Variants in DNAH5 observed in about 807,000 individuals in gnomAD.
DNAH5 encodes the protein dynein axonemal heavy chain 5.
In DNAH5, 372 loss-of-function variants were observed where a neutral mutation model predicts 518.2. The ratio of observed to expected loss-of-function variants is 0.72; its 90% confidence interval spans 0.66 to 0.78. The LOEUF (loss-of-function observed/expected upper bound fraction) is 0.78. Ranked by LOEUF, DNAH5 falls within the 30% of genes least tolerant of loss-of-function variation. DNAH5 has a pLI of 0.00. For synonymous variants in DNAH5, 2,039 were observed against 2,025.9 expected, an observed-to-expected ratio of 1.01 and a Z score of -0.17; for missense variants, 5,523 against 5,687.0, an observed-to-expected ratio of 0.97 and a Z score of 0.93.
chr5:13,797,203 G>A (rs1322458226), intron 47 of DNAH5, among the ~76,000 whole-genome samples: 3 of 152,130 alleles, frequency 2.0e-5, no homozygotes, highest in Non-Finnish European at 2.9e-5. Context: ...AGACAAACGG[G>A]ATCTAATTAA....
intron 1 of DNAH5, 130 bp downstream of exon 1, chr5:13,944,252 T>A: frequency 1.1e-6 from 1 of 918,612 alleles, no homozygotes; most frequent in Admixed American, 1.9e-5. Flanking sequence ...GAACATTAGT[T>A]AAAAAATGTG....
At chr5:13,921,462 CTCTA>C (rs1482306584) in intron 5 of DNAH5, among the ~76,000 whole-genome samples, 2,129 of 116,686 alleles carry the variant, frequency 0.018, 102 homozygotes, top group African/African-American at 0.064. Context: ...CTCTCTCTTG[CTCTA>C]TCTCTCTCTC....
Position 13,862,584 on chromosome 5 carries a change from T to C in DNAH5, c.4760A>G (p.Asp1587Gly). 1 of 1,613,988 alleles carries C rather than the reference T, an allele frequency of 6.2e-7. No homozygotes were observed. Among genetic ancestry groups the C allele is most frequent in the South Asian group, 1.1e-5 (1 of 91,056 alleles). Reference sequence around the variant, plus strand: ...TAGGGATCCCAGCAACATCAAGCTGTCCTCCATGTTGGCGATGATTTCCGA... The same window carrying C: ...TAGGGATCCCAGCAACATCAAGCTGCCCTCCATGTTGGCGATGATTTCCGA... ...STSEIIANME[D>G]SLMLLGSLLS... The change falls in exon 29 of 79, where the codon GAC becomes GGC. Residue 1587 changes from aspartate (D) to glycine (G), a missense_variant. Asp to Gly is a moderately conservative substitution (Grantham distance 94, BLOSUM62 -1). Around this residue, in one of 3 missense-constraint regions of DNAH5, gnomAD observed 5,121 missense variants for 5,223.3 expected, o/e 0.98. Coordinates refer to ENST00000265104, the MANE Select transcript of DNAH5 (RefSeq NM_001369.3).
chr5:13,826,387 A>G (rs1374412358), intron 38 of DNAH5, among the ~76,000 whole-genome samples: 1 of 152,144 alleles, frequency 6.6e-6, no homozygotes, highest in African/African-American at 2.4e-5. Flanking sequence ...CTGTGTCCCC[A>G]CCCAAATCTC....
Position 13,708,447 on chromosome 5 carries a change from T to C in DNAH5, c.13126-112A>G, listed in dbSNP as rs754654078. 134 of 926,266 alleles carry C rather than the reference T, an allele frequency of 1.4e-4. 1 individual carries two copies. The highest frequency in any genetic ancestry group is 2.1e-4 in the Non-Finnish European group (124 of 596,166). 57.4% of individuals were successfully genotyped at this position (926,266 alleles called of 1,614,324 possible). ...CAAATTCTTACTATTCCATAAATAA[T>C]AAGCTTCTAATTTATTGCATGGCAA... On this transcript the variant is annotated intron_variant, in intron 75 of 78. Coordinates refer to ENST00000265104, the MANE Select transcript of DNAH5 (RefSeq NM_001369.3).
chr5:13,763,167 A>C (rs986774694), intron 59 of DNAH5, among the ~76,000 whole-genome samples: 1 of 152,244 alleles, frequency 6.6e-6, no homozygotes. Context: ...CCAGGGAAAG[A>C]GTAAATTATT....
chr5:13,749,740 C>G (rs1749938122), intron 65 of DNAH5, among the ~76,000 whole-genome samples: 1 of 152,182 alleles, frequency 6.6e-6, no homozygotes, highest in South Asian at 2.1e-4. Context: ...CCAAAAGACC[C>G]TCAGGAACTT....
In DNAH5 at chr5:13,809,109, G is replaced by A. The variant is rs769659241; in HGVS notation, c.7687C>T (p.Leu2563=). 7.4e-6 allele frequency: 12 copies of A among 1,614,104 alleles called. No homozygotes were observed. The highest frequency in any genetic ancestry group is 1.3e-5 in the African/African-American group (1 of 74,944). ...CTCACATTGTCAACATTTGGCACCA[G>A]AATAGAACCATACTCTGGGGTGGTA... The part of the protein sequence containing the change: ...SDTTPEYGSI[L]VPNVDNVRTD... The change falls in exon 46 of 79, where the codon CTG becomes TTG. Residue 2563 remains leucine (L), a synonymous_variant. Coordinates refer to ENST00000265104, the MANE Select transcript of DNAH5 (RefSeq NM_001369.3).
intron 1 of DNAH5, among the ~76,000 whole-genome samples, chr5:13,982,500 ATGAG>A (rs1333073801): frequency 6.6e-6 from 1 of 152,216 alleles, no homozygotes; most frequent in African/African-American, 2.4e-5. Flanking sequence ...GCACTATTGC[ATGAG>A]TGAGTAGACA....
intron 56 of DNAH5, among the ~76,000 whole-genome samples, chr5:13,770,365 G>C (rs188430346): frequency 5.3e-5 from 8 of 152,258 alleles, no homozygotes; most frequent in African/African-American, 1.9e-4. Flanking sequence ...GTCTGCATTC[G>C]CAACTCCCGT....
intron 61 of DNAH5, 72 bp from the exon 62 acceptor site, chr5:13,754,410 T>C (rs1750697292): frequency 1.9e-6 from 3 of 1,546,032 alleles, no homozygotes; most frequent in Non-Finnish European, 2.7e-6. Flanking sequence ...AATATAATTG[T>C]AGAACACGCC....
chr5:13,900,693 G>T, intron 14 of DNAH5: 1 of 460,788 alleles, frequency 2.2e-6, no homozygotes, highest in Non-Finnish European at 3.9e-6. Context: ...CGTCTCAAAA[G>T]CCATTTAGCT....
chr5:13,830,531 C>T, intron 36 of DNAH5, 66 bp downstream of exon 36: 3 of 1,585,204 alleles, frequency 1.9e-6, no homozygotes, highest in Admixed American at 1.7e-5. Context: ...TTGTTGAAAA[C>T]AAATTTTAGC....
In DNAH5 at chr5:13,735,144, G is replaced by C. The variant is rs1747193002; in HGVS notation, c.11748C>G (p.Leu3916=). The change falls in exon 68 of 79, where the codon CTC becomes CTG. Residue 3916 remains leucine (L), a synonymous_variant. Transcript: ENST00000265104. ...TCTTATATTGACCTTTAATAAGAGT[G>C]AGAAACTCTTCATGCTTGACTCGGT... is the stretch of plus-strand genomic sequence containing the variant. ...QRNRVKHEEF[L]TLIKGGASLD... 6.2e-7 allele frequency: 1 copy of C among 1,613,866 alleles called. No individual in the cohort carries two copies. Among genetic ancestry groups the C allele is most frequent in the Non-Finnish European group, 8.5e-7 (1 of 1,179,916 alleles).
At chr5:13,826,354 G>A (rs1373479389) in intron 38 of DNAH5, among the ~76,000 whole-genome samples, 3 of 152,156 alleles carry the variant, frequency 2.0e-5, no homozygotes, top group African/African-American at 7.2e-5. Context: ...ATATTTATTT[G>A]AAAGATAAGT....
intron 32 of DNAH5, among the ~76,000 whole-genome samples, chr5:13,843,849 C>A (rs1031102964): frequency 6.6e-6 from 1 of 152,254 alleles, no homozygotes; most frequent in African/African-American, 2.4e-5. Context: ...GGCATTCTCA[C>A]GTTCTTTGTG....
chr5:14,003,175 T>C (rs2919646), intron 1 of DNAH5, among the ~76,000 whole-genome samples: 108,919 of 152,088 alleles, frequency 0.72, 39,225 homozygotes, highest in South Asian at 0.8. Context: ...AACTGATCTA[T>C]TTCTATAAAT....
At chr5:13,853,965 G>A (rs1767247786) in intron 30 of DNAH5, among the ~76,000 whole-genome samples, 1 of 152,158 alleles carries the variant, frequency 6.6e-6, no homozygotes, top group East Asian at 1.9e-4. Context: ...TATTATCCAG[G>A]AGAACTTCCC....
At chr5:13,844,187 A>C (rs1765647017) in intron 32 of DNAH5, among the ~76,000 whole-genome samples, 1 of 152,230 alleles carries the variant, frequency 6.6e-6, no homozygotes, top group African/African-American at 2.4e-5. Context: ...GGAACATGGT[A>C]GTTGCTCAAT....
Sources: gnomAD v4.1 joint callset for allele counts (sites outside exome capture counted in the v4.1 genomes callset) on GRCh38, gnomAD v4.1.1 for gene constraint, gnomAD v4.1.1 regional missense constraint, MANE v1.5 for transcripts, NCBI Gene and HGNC (gene_info 2026-07-23, HGNC 2026-07-21) for gene names.